The following DCHS2 variants were observed in gnomAD, a reference collection of about 807,000 sequenced individuals.
DCHS2 encodes protocadherin-23.
Under a neutral mutation model 182.4 loss-of-function variants are expected in DCHS2, and 142 were observed. That is an observed-to-expected ratio of 0.78 (90% CI 0.68 to 0.89). The LOEUF (loss-of-function observed/expected upper bound fraction) is 0.89, where lower values mean the gene tolerates loss of function less well. DCHS2 is among the 40% of genes least tolerant of loss of function. DCHS2 has a pLI of 0.00. For missense variants in DCHS2, 4,319 were observed against 4,198.6 expected, an observed-to-expected ratio of 1.03 and a Z score of -0.79; for synonymous variants, 1,740 against 1,663.3, an observed-to-expected ratio of 1.05 and a Z score of -1.12.
In DCHS2 at chr4:154,489,898, T is replaced by C. The variant is rs1000605934; in HGVS notation, c.1458A>G (p.Pro486=). 1 of 1,540,392 alleles carries C rather than the reference T, an allele frequency of 6.5e-7. No individual in the cohort carries two copies. Among genetic ancestry groups the C allele is most frequent in the Non-Finnish European group, 8.8e-7 (1 of 1,140,066 alleles). Residue 486 remains proline, a synonymous_variant, in exon 1 of 20, where the codon CCA becomes CCG. Coordinates refer to ENST00000357232, the MANE Select transcript of DCHS2 (RefSeq NM_001358235.2). ...GDFALLPGGP[P]GVFFLCVEGP... is the part of the protein sequence containing the mutation. ...CCTCCACGCAAAGGAAAAATACCCC[T>C]GGGGGGCCGCCGGGTAGCAACGCGA...
intron 10 of DCHS2, among the ~76,000 whole-genome samples, chr4:154,313,757 T>C (rs556544257): frequency 1.3e-5 from 2 of 152,210 alleles, no homozygotes; most frequent in South Asian, 4.1e-4. Flanking sequence ...AGATTTCCAG[T>C]AAATCAAAAT....
At chr4:154,439,776 A>G (rs1348368802) in intron 1 of DCHS2, among the ~76,000 whole-genome samples, 1 of 152,226 alleles carries the variant, frequency 6.6e-6, no homozygotes, top group Admixed American at 6.5e-5. Flanking sequence ...CCAGAGGTGT[A>G]TCTAGTAACT....
Position 154,236,206 on chromosome 4 carries a change from G to A in DCHS2, c.8446C>T (p.His2816Tyr). Residue 2816 changes from histidine to tyrosine, a missense_variant, in exon 20 of 20, where the codon CAT becomes TAT. His to Tyr is a moderately conservative substitution (Grantham distance 83). Transcript: ENST00000357232. ...AGATCATGATCATAAGACATTCCATGAGTGAGAAAACAGGGTGATACAATA... is the reference window on the plus strand; with the variant it reads ...AGATCATGATCATAAGACATTCCATAAGTGAGAAAACAGGGTGATACAATA... ...YSIVSPCFLT[H>Y]GMSYDHDLFL... is the part of the protein sequence containing the mutation. The A allele has an allele frequency of 6.2e-7, 1 of 1,613,900 alleles. No individual in the cohort carries two copies. The highest frequency in any genetic ancestry group is 8.5e-7 in the Non-Finnish European group (1 of 1,179,944).
intron 13 of DCHS2, among the ~76,000 whole-genome samples, chr4:154,296,001 A>G (rs932434267): frequency 1.3e-5 from 2 of 152,312 alleles, no homozygotes; most frequent in African/African-American, 4.8e-5. Flanking sequence ...CATCAGTTTT[A>G]ATTTTATTTC....
rs372551366 is a variant in DCHS2, at chr4:154,333,375, C to A, written c.2833G>T (p.Val945Leu). Reference sequence around the variant, plus strand: ...TGCGCCTGCACCGTGAGCACAACCACGGGCTGCGTCTCGTGATCCAGGGGC... The same window carrying A: ...TGCGCCTGCACCGTGAGCACAACCAAGGGCTGCGTCTCGTGATCCAGGGGC... Reference protein sequence around the residue: ...RKPLDHETQPVVVLTVQAQLG... With the variant: ...RKPLDHETQPLVVLTVQAQLG... The change falls in exon 5 of 20, where the codon GTG (valine) becomes TTG (leucine). Residue 945 changes from valine (V) to leucine (L), a missense_variant. Val to Leu is a conservative substitution (Grantham distance 32). Transcript: ENST00000357232. The A allele has an allele frequency of 3.1e-6, 5 of 1,614,060 alleles. No individual in the cohort carries two copies. The African/African-American group carries it at 6.7e-5, about 22-fold the overall frequency.
rs761024588 is a variant in DCHS2 at position 154,235,985 on chromosome 4, G to A, written c.8667C>T (p.Leu2889=). The part of the protein sequence containing the change: ...IFTQDQYFFT[L]PEKNKDRQLI... ...ACTGTCTGTCTTTATTCTTTTCTGGGAGGGTGAAAAAATACTGATCTTGAG... is the reference window on the plus strand; with the variant it reads ...ACTGTCTGTCTTTATTCTTTTCTGGAAGGGTGAAAAAATACTGATCTTGAG... The change falls in exon 20 of 20, where the codon CTC becomes CTT. Residue 2889 remains leucine (L), a synonymous_variant. Transcript: ENST00000357232. 11 of 1,613,798 alleles carry A rather than the reference G, an allele frequency of 6.8e-6. No individual in the cohort carries two copies. Among genetic ancestry groups the A allele is most frequent in the Non-Finnish European group, 9.3e-6 (11 of 1,179,944 alleles).
intron 3 of DCHS2, among the ~76,000 whole-genome samples, chr4:154,338,395 G>A (rs1473763541): frequency 3.3e-5 from 5 of 152,126 alleles, no homozygotes; most frequent in Admixed American, 1.3e-4. Context: ...ACAATAAAAT[G>A]TTGATAAATA....
intron 1 of DCHS2, among the ~76,000 whole-genome samples, chr4:154,436,785 G>A (rs1490649): frequency 0.49 from 74,867 of 151,968 alleles, 19,472 homozygotes; most frequent in Middle Eastern, 0.67. Context: ...TGCTTGAAAT[G>A]TGGCTGTATT....
intron 1 of DCHS2, among the ~76,000 whole-genome samples, chr4:154,382,544 A>G (rs539432617): frequency 1.3e-5 from 2 of 152,154 alleles, no homozygotes; most frequent in Non-Finnish European, 2.9e-5. Flanking sequence ...AAATCCCAAC[A>G]GAGTAAACAG....
chr4:154,417,696 T>C (rs1217072383), intron 1 of DCHS2, among the ~76,000 whole-genome samples: 3 of 152,162 alleles, frequency 2.0e-5, no homozygotes, highest in South Asian at 2.1e-4. Context: ...AATCCTAACA[T>C]GGCCAGGGGG....
chr4:154,486,704 G>A lies in DCHS2; in HGVS notation c.2052+2600C>T, dbSNP rs560494713. ...TTGAGAGAGTAGAAAGAAGGAAGAC[G>A]CTTCTTTGAATCTCATATGGAAATT... On this transcript the variant is annotated intron_variant, in intron 1 of 19. Coordinates refer to ENST00000357232, the MANE Select transcript of DCHS2 (RefSeq NM_001358235.2). 6.6e-5 allele frequency among the ~76,000 whole-genome samples: 10 copies of A among 152,226 alleles called. No individual in the cohort carries two copies. In the South Asian group the frequency reaches 1.9e-3, roughly 28 times the overall value.
intron 1 of DCHS2, among the ~76,000 whole-genome samples, chr4:154,468,630 A>G (rs1343902370): frequency 6.6e-6 from 1 of 152,162 alleles, no homozygotes; most frequent in Non-Finnish European, 1.5e-5. Context: ...CCATTTCATA[A>G]TGATAATATT....
At chr4:154,388,364 C>G (rs1164813009) in intron 1 of DCHS2, among the ~76,000 whole-genome samples, 6 of 150,060 alleles carry the variant, frequency 4.0e-5, no homozygotes, top group African/African-American at 1.5e-4. Context: ...CCCATTTATG[C>G]AAAAAAATTC....
At chr4:154,331,437 C>G in intron 5 of DCHS2, 1 of 779,912 alleles carries the variant, frequency 1.3e-6, no homozygotes, top group Non-Finnish European at 1.9e-6. Context: ...AAAGTGCAAG[C>G]AGGGTCATCC....
chr4:154,397,598 C>A (rs1731988808), intron 1 of DCHS2, among the ~76,000 whole-genome samples: 1 of 152,206 alleles, frequency 6.6e-6, no homozygotes, highest in South Asian at 2.1e-4. Context: ...TTCTAGACAA[C>A]AATCCCTCCT....
At chr4:154,272,455 C>G (rs6535990) in intron 13 of DCHS2, among the ~76,000 whole-genome samples, 58,008 of 151,972 alleles carry the variant, frequency 0.38, 11,345 homozygotes, top group East Asian at 0.51. Flanking sequence ...ATAATCTTCA[C>G]GTGTCAAGGG....
intron 2 of DCHS2, among the ~76,000 whole-genome samples, chr4:154,370,641 A>T (rs1285598890): frequency 6.6e-6 from 1 of 152,196 alleles, no homozygotes; most frequent in Non-Finnish European, 1.5e-5. Flanking sequence ...GCAAGCAGGG[A>T]CATCTCTAAA....
chr4:154,269,959 A>C lies in DCHS2; in HGVS notation c.6518T>G (p.Met2173Arg). 1.2e-6 allele frequency: 2 copies of C among 1,612,658 alleles called. No homozygotes were observed. Among genetic ancestry groups the C allele is most frequent in the Non-Finnish European group, 1.7e-6 (2 of 1,179,224 alleles). The change falls in exon 14 of 20, where the codon ATG (methionine) becomes AGG (arginine). Residue 2173 changes from methionine to arginine, a missense_variant. By Grantham distance (91) the Met-to-Arg change is moderately conservative (BLOSUM62 -1). Coordinates refer to ENST00000357232, the MANE Select transcript of DCHS2 (RefSeq NM_001358235.2). Reference sequence around the variant, plus strand: ...ATTTCCACTAAAAATTGAATATTTCATGCTGTCCTGAATTGAGTCAGGAGC... The same window carrying C: ...ATTTCCACTAAAAATTGAATATTTCCTGCTGTCCTGAATTGAGTCAGGAGC... Reference protein sequence around the residue: ...AFAPDSIQDSMKYSIFSGNED... With the variant: ...AFAPDSIQDSRKYSIFSGNED...
intron 7 of DCHS2, among the ~76,000 whole-genome samples, chr4:154,324,797 T>G (rs1402842296): frequency 6.6e-6 from 1 of 152,186 alleles, no homozygotes; most frequent in African/African-American, 2.4e-5. Context: ...TTATGTAACA[T>G]TTATTAGTTG....
Sources: allele counts gnomAD v4.1 joint callset (sites outside exome capture counted in the v4.1 genomes callset), GRCh38; gene constraint gnomAD v4.1.1; transcripts MANE v1.5; gene names NCBI Gene and HGNC (gene_info 2026-07-23, HGNC 2026-07-21).